Variants in STX7 observed in about 807,000 individuals in gnomAD.
STX7 encodes the protein syntaxin-7.
STX7 carries 34 observed loss-of-function variants against 39.6 expected under a neutral mutation model. That is an observed-to-expected ratio of 0.86 (90% CI 0.65 to 1.14). STX7 has a LOEUF of 1.14. STX7 is among the 50% of genes most tolerant of loss of function. The pLI, the probability that STX7 is intolerant of heterozygous loss-of-function variation, is 0.00. For synonymous variants in STX7, 119 were observed against 99.1 expected (o/e 1.20, Z -1.19); for missense variants, 284 against 310.4 (o/e 0.92, Z 0.64).
At chr6:132,463,967 A>T (rs1012448308) in intron 9 of STX7, 26 bp downstream of exon 9, 2 of 1,610,518 alleles carry the variant, frequency 1.2e-6, no homozygotes, top group Non-Finnish European at 1.7e-6. Flanking sequence ...GATAAGTTAT[A>T]AGAAAATTGA....
At chr6:132,483,018 C>A (rs1291886264) in intron 2 of STX7, among the ~76,000 whole-genome samples, 1 of 152,006 alleles carries the variant, frequency 6.6e-6, no homozygotes, top group Non-Finnish European at 1.5e-5. Context: ...AAAGAATCTG[C>A]CCTTTACAGG....
At chr6:132,463,932 A>AAC (rs112655932) in intron 9 of STX7, 61 bp downstream of exon 9, 343 of 1,432,406 alleles carry the variant, frequency 2.4e-4, no homozygotes, top group South Asian at 1.4e-3. Context: ...CCTCAACACA[A>AAC]ACACACACAC....
At chr6:132,490,965 GCAGCACAGCACAGCACAGCA>G (rs71545037) in intron 2 of STX7, among the ~76,000 whole-genome samples, 13 of 127,574 alleles carry the variant, frequency 1.0e-4, no homozygotes, top group African/African-American at 2.6e-4. Context: ...GTCCCTCAGT[GCAGCACAGCACAGCACAGCA>G]CAGCACAGCA....
chr6:132,503,174 T>C (rs577671249), intron 2 of STX7, among the ~76,000 whole-genome samples: 52 of 152,348 alleles, frequency 3.4e-4, no homozygotes, highest in African/African-American at 1.2e-3. Context: ...TTAAAGCAGA[T>C]ATAAGAATCC....
chr6:132,479,553 C>A (rs572780373), intron 2 of STX7, among the ~76,000 whole-genome samples: 2 of 152,284 alleles, frequency 1.3e-5, no homozygotes, highest in African/African-American at 2.4e-5. Flanking sequence ...AGCCTTTCTA[C>A]ATTTTGCTCT....
At chr6:132,495,714 T>A (rs760894963) in intron 2 of STX7, among the ~76,000 whole-genome samples, 121 of 152,062 alleles carry the variant, frequency 8.0e-4, no homozygotes, top group Non-Finnish European at 1.6e-3. Context: ...AAAACAAGTG[T>A]CCCCTTCACC....
chr6:132,446,685 G>A lies in STX7; in HGVS notation c.*14073C>T, dbSNP rs1276851843. 3 of 152,138 alleles carry A rather than the reference G, an allele frequency of 2.0e-5. No homozygotes were observed. The highest frequency in any genetic ancestry group is 6.6e-5 in the Admixed American group (1 of 15,260). 9.4% of individuals were successfully genotyped at this position (152,138 alleles called of 1,614,324 possible). On this transcript the variant is annotated 3_prime_UTR_variant, in exon 10 of 10. Coordinates refer to ENST00000367941, the MANE Select transcript of STX7 (RefSeq NM_003569.3). ...GTATCTTCCATCACAGTATTAAAATGTTTTTTATGAACATGAGCATCTGGC... is the reference window on the plus strand; with the variant it reads ...GTATCTTCCATCACAGTATTAAAATATTTTTTATGAACATGAGCATCTGGC...
chr6:132,503,545 T>C lies in STX7; in HGVS notation c.-15A>G, dbSNP rs1256992668. On this transcript the variant is annotated 5_prime_UTR_variant, in exon 2 of 10. Coordinates refer to ENST00000367941, the MANE Select transcript of STX7 (RefSeq NM_003569.3). ...GTGTAAGACATGGTTGATGTTCTTA[T>C]TCGCTAATTTCATCAGATGCTGTGC... 1 of 1,607,346 alleles carries C rather than the reference T, an allele frequency of 6.2e-7. No individual in the cohort carries two copies. The highest frequency in any genetic ancestry group is 1.7e-5 in the Admixed American group (1 of 59,920).
At chr6:132,481,487 TG>T (rs955358868) in intron 2 of STX7, among the ~76,000 whole-genome samples, 1 of 152,244 alleles carries the variant, frequency 6.6e-6, no homozygotes, top group African/African-American at 2.4e-5. Flanking sequence ...TCTGTGCTTT[TG>T]GTTTTGTAGA....
chr6:132,477,421 A>G (rs1774901909), intron 2 of STX7, among the ~76,000 whole-genome samples: 1 of 152,122 alleles, frequency 6.6e-6, no homozygotes. Flanking sequence ...AATCATAGCA[A>G]GTGAGAAAAA....
At position 132,468,393 on chromosome 6, in the gene STX7, C is replaced by CAGG. The variant is rs1774616931; in HGVS notation, c.610+7_610+9dup. 6.2e-7 allele frequency: 1 copy of CAGG among 1,603,848 alleles called. No homozygotes were observed. Among genetic ancestry groups the CAGG allele is most frequent in the Non-Finnish European group, 8.5e-7 (1 of 1,173,714 alleles). On this transcript the variant is annotated intron_variant, in intron 8 of 9. Transcript: ENST00000367941. ...CTCTCACCTCCAAAATCTAAGTCAG[C>CAGG]AGGTCTTACCTATTACATCTCCTTG...
chr6:132,488,698 A>C (rs1482197482), intron 2 of STX7, among the ~76,000 whole-genome samples: 4 of 152,228 alleles, frequency 2.6e-5, no homozygotes, highest in Non-Finnish European at 5.9e-5. Flanking sequence ...ATCAATTGAC[A>C]AAAGATAGTT....
At chr6:132,499,734 G>A (rs1218847169) in intron 2 of STX7, among the ~76,000 whole-genome samples, 1 of 151,984 alleles carries the variant, frequency 6.6e-6, no homozygotes, top group East Asian at 1.9e-4. Flanking sequence ...ACTCTTACGT[G>A]ATTACTTTAC....
intron 2 of STX7, among the ~76,000 whole-genome samples, chr6:132,489,249 T>C (rs1775218753): frequency 6.7e-6 from 1 of 150,148 alleles, no homozygotes; most frequent in African/African-American, 2.5e-5. Flanking sequence ...GTAAACATTT[T>C]AGAAATGGCA....
At chr6:132,484,420 G>C (rs762303905) in intron 2 of STX7, among the ~76,000 whole-genome samples, 2 of 152,082 alleles carry the variant, frequency 1.3e-5, no homozygotes, top group African/African-American at 4.8e-5. Flanking sequence ...GCTGAATTTG[G>C]TATCAGGGGC....
At chr6:132,507,825 T>G (rs1775744990) in intron 1 of STX7, among the ~76,000 whole-genome samples, 1 of 152,218 alleles carries the variant, frequency 6.6e-6, no homozygotes, top group African/African-American at 2.4e-5. Context: ...AATGTTCAGT[T>G]TGTTATTCAT....
rs148446208 is a variant in STX7 at position 132,490,622 on chromosome 6, G to A, written c.85+12824C>T. ...AATAGCAGGTCCTGAGCAGGAAGCC[G>A]TATGGGTGGGGCGGAGAATAACCGG... On this transcript the variant is annotated intron_variant, in intron 2 of 9. Transcript: ENST00000367941. Among the ~76,000 whole-genome samples the A allele has an allele frequency of 2.5e-4, 38 of 152,302 alleles. No individual in the cohort carries two copies. In the East Asian group the frequency reaches 3.5e-3, roughly 14 times the overall value.
In STX7 at chr6:132,510,788, A is replaced by G. The variant is rs77902108; in HGVS notation, c.-59+2219T>C. On this transcript the variant is annotated intron_variant, in intron 1 of 9. Coordinates refer to ENST00000367941, the MANE Select transcript of STX7 (RefSeq NM_003569.3). ...AAGAGAAAAACAGGAAGGGAGAATC[A>G]AAGTGCAACACTCAGATGAGAGTCT... Among the ~76,000 whole-genome samples the G allele has an allele frequency of 2.7e-4, 41 of 152,356 alleles. No individual in the cohort carries two copies. In the East Asian group the frequency reaches 7.9e-3, roughly 29 times the overall value.
rs998189170 is a variant in STX7 at position 132,456,957 on chromosome 6, C to G, written c.*3801G>C. 1.3e-5 allele frequency: 2 copies of G among 152,328 alleles called. No individual in the cohort carries two copies. The highest frequency in any genetic ancestry group is 4.8e-5 in the African/African-American group (2 of 41,470). The allele number at this position is 152,328 out of a possible 1,614,324, so 9.4% of individuals were successfully genotyped here. A position where few individuals can be genotyped will look rare whatever the true frequency, so the allele number is the denominator to read the frequency against. ...GTAGGCGGGCAGAGGACATGAGTTT[C>G]ACAGCAGTTTCAAAATCTCTTGCAA... On this transcript the variant is annotated 3_prime_UTR_variant, in exon 10 of 10. Coordinates refer to ENST00000367941, the MANE Select transcript of STX7 (RefSeq NM_003569.3).
Sources: allele counts gnomAD v4.1 joint callset (sites outside exome capture counted in the v4.1 genomes callset), GRCh38; gene constraint gnomAD v4.1.1; transcripts MANE v1.5; gene names NCBI Gene and HGNC (gene_info 2026-07-23, HGNC 2026-07-21).